Variants in MED13L observed in about 807,000 individuals in gnomAD.
MED13L encodes the protein mediator complex subunit 13L.
MED13L carries 7 observed loss-of-function variants against 220.9 expected under a neutral mutation model. The ratio of observed to expected loss-of-function variants is 0.03; its 90% CI spans 0.02 to 0.06. MED13L has a LOEUF of 0.06. MED13L is among the 10% of genes least tolerant of loss of function. The probability of loss-of-function intolerance (pLI) is 1.00; values close to 1 mark genes in which losing one functional copy is unlikely to be tolerated. For synonymous variants in MED13L, 1,011 were observed against 1,015.2 expected (o/e 1.00, Z 0.08); for missense variants, 1,965 against 2,760.5 (o/e 0.71, Z 6.46).
chr12:116,263,225 T>A (rs1182440352), intron 1 of MED13L, among the ~76,000 whole-genome samples: 2 of 152,148 alleles, frequency 1.3e-5, no homozygotes, highest in African/African-American at 4.8e-5. Flanking sequence ...TAGGATTACA[T>A]CACAACGCTT....
rs377657081 is a variant in MED13L, at chr12:116,015,291, T to C, written c.1010-17A>G. The C allele has an allele frequency of 5.6e-6, 9 of 1,613,406 alleles. No homozygotes were observed. The highest frequency in any genetic ancestry group is 1.3e-5 in the African/African-American group (1 of 74,902). ...CACTCTCACCTGAAAAAAAAGGCAA[T>C]TTGGAATGTTAGGATTTTCTGAAAA... On this transcript the variant is annotated splice_polypyrimidine_tract_variant and intron_variant, in intron 7 of 30. Transcript: ENST00000281928.
At chr12:115,974,327 TTAAG>T (rs1876789211) in intron 25 of MED13L, among the ~76,000 whole-genome samples, 1 of 152,232 alleles carries the variant, frequency 6.6e-6, no homozygotes, top group African/African-American at 2.4e-5. Context: ...ATCTGTGACA[TTAAG>T]TCTTTCTTTT....
chr12:116,041,274 T>G (rs537004247), intron 4 of MED13L, among the ~76,000 whole-genome samples: 1 of 152,198 alleles, frequency 6.6e-6, no homozygotes, highest in Non-Finnish European at 1.5e-5. Context: ...GTCTCTCCCC[T>G]GCTTTGCAGT....
chr12:116,005,767 C>A (rs1482507022), intron 13 of MED13L, 102 bp downstream of exon 13: 1 of 1,414,134 alleles, frequency 7.1e-7, no homozygotes, highest in East Asian at 2.3e-5. Flanking sequence ...GAAATAAGAG[C>A]CCCCAAATTC....
chr12:116,247,824 G>GT (rs1176480022), intron 1 of MED13L, among the ~76,000 whole-genome samples: 2 of 152,158 alleles, frequency 1.3e-5, no homozygotes, highest in Non-Finnish European at 2.9e-5. Context: ...GGTTTATAGC[G>GT]TAAGTATAAG....
At chr12:116,005,235 C>A (rs1163699490) in intron 13 of MED13L, among the ~76,000 whole-genome samples, 2 of 152,198 alleles carry the variant, frequency 1.3e-5, no homozygotes, top group Admixed American at 1.3e-4. Context: ...AAAAAACAGG[C>A]ACTTGTATTT....
Position 116,073,883 on chromosome 12 carries a change from G to A in MED13L, c.479+22786C>T, listed in dbSNP as rs147186326. Among the ~76,000 whole-genome samples the A allele has an allele frequency of 1.4e-3, 209 of 152,252 alleles. 1 individual carries two copies. Among genetic ancestry groups the A allele is most frequent in the African/African-American group, 4.8e-3 (201 of 41,546 alleles). ...TACTGATCTCCCTAATGATGGATCT[G>A]AATGCATGAAATTAACTCTTTTCAA... On this transcript the variant is annotated intron_variant, in intron 4 of 30. Coordinates refer to ENST00000281928, the MANE Select transcript of MED13L (RefSeq NM_015335.5).
At chr12:116,099,499 C>T (rs996225199) in intron 3 of MED13L, among the ~76,000 whole-genome samples, 6 of 152,222 alleles carry the variant, frequency 3.9e-5, no homozygotes, top group South Asian at 2.1e-4. Flanking sequence ...TATTCATTTC[C>T]TCATGTCTTG....
intron 5 of MED13L, among the ~76,000 whole-genome samples, chr12:116,021,750 A>G (rs972560465): frequency 2.6e-5 from 4 of 152,178 alleles, no homozygotes; most frequent in African/African-American, 4.8e-5. Context: ...GATTGTTTCC[A>G]TACGGTTCAA....
Position 116,119,809 on chromosome 12 carries a change from T to TAA in MED13L, c.311-8299_311-8298dup, listed in dbSNP as rs57622950. Among the ~76,000 whole-genome samples the TAA allele has an allele frequency of 5.1e-3, 198 of 38,766 alleles. 1 individual carries two copies. Among genetic ancestry groups the TAA allele is most frequent in the East Asian group, 0.011 (15 of 1,428 alleles). The allele number at this position is 38,766 out of a possible 152,430, so 25.4% of individuals were successfully genotyped here. Reference sequence around the variant, plus strand: ...GCAAGAGAGAAAGACCCCATATCTTTAAAAAAAAAAAAAAAAAAAAAAAAA... The same window carrying TAA: ...GCAAGAGAGAAAGACCCCATATCTTTAAAAAAAAAAAAAAAAAAAAAAAAAAA... On this transcript the variant is annotated intron_variant, in intron 2 of 30. Transcript: ENST00000281928.
chr12:116,200,597 C>T (rs1881947899), intron 2 of MED13L, among the ~76,000 whole-genome samples: 1 of 152,038 alleles, frequency 6.6e-6, no homozygotes, highest in African/African-American at 2.4e-5. Context: ...GTAAACTGTC[C>T]TCAATGAGCC....
chr12:116,170,784 A>G (rs1879628616), intron 2 of MED13L, among the ~76,000 whole-genome samples: 1 of 151,872 alleles, frequency 6.6e-6, no homozygotes, highest in South Asian at 2.1e-4. Context: ...TATTTTTATT[A>G]CAGATGGGGT....
At chr12:116,075,976 C>T (rs920190496) in intron 4 of MED13L, among the ~76,000 whole-genome samples, 1 of 147,732 alleles carries the variant, frequency 6.8e-6, no homozygotes, top group Non-Finnish European at 1.5e-5. Flanking sequence ...TGCAGTGGCG[C>T]GATCTCGGCT....
intron 24 of MED13L, 66 bp from the exon 25 acceptor site, chr12:115,975,379 T>G (rs755225303): frequency 6.2e-7 from 1 of 1,610,972 alleles, no homozygotes; most frequent in African/African-American, 1.3e-5. Flanking sequence ...TTATCACTTA[T>G]AAGACAAACA....
At chr12:116,073,445 C>T (rs528422147) in intron 4 of MED13L, among the ~76,000 whole-genome samples, 1 of 152,278 alleles carries the variant, frequency 6.6e-6, no homozygotes, top group East Asian at 1.9e-4. Flanking sequence ...TCTTAGGTTA[C>T]TATTCTCTCA....
intron 4 of MED13L, among the ~76,000 whole-genome samples, chr12:116,079,195 A>C (rs183335653): frequency 4.0e-5 from 6 of 151,628 alleles, no homozygotes; most frequent in Non-Finnish European, 7.4e-5. Context: ...AGTCAGACAT[A>C]ACTTTCCTCA....
chr12:115,966,691 T>C (rs531568926), intron 28 of MED13L, among the ~76,000 whole-genome samples: 28 of 152,302 alleles, frequency 1.8e-4, no homozygotes, highest in Admixed American at 2.6e-4. Flanking sequence ...GAGCTGCCAG[T>C]AGTGCAAGAT....
At chr12:116,120,175 G>T (rs554198371) in intron 2 of MED13L, among the ~76,000 whole-genome samples, 1 of 151,822 alleles carries the variant, frequency 6.6e-6, no homozygotes, top group South Asian at 2.1e-4. Context: ...GTACAGATGG[G>T]ATTCATATCC....
At chr12:116,055,122 A>G (rs1327558453) in intron 4 of MED13L, among the ~76,000 whole-genome samples, 1 of 152,200 alleles carries the variant, frequency 6.6e-6, no homozygotes, top group Non-Finnish European at 1.5e-5. Context: ...TGTAAAATTG[A>G]TCTACAGTGG....
Sources: gnomAD v4.1 joint callset for allele counts (sites outside exome capture counted in the v4.1 genomes callset) on GRCh38, gnomAD v4.1.1 for gene constraint, MANE v1.5 for transcripts, NCBI Gene and HGNC (gene_info 2026-07-23, HGNC 2026-07-21) for gene names.